Variants in NELL1 observed in about 807,000 individuals in gnomAD.
NELL1 encodes protein kinase C-binding protein NELL1.
Under a neutral mutation model 107.4 loss-of-function variants are expected in NELL1, and 76 were observed. The ratio of observed to expected loss-of-function variants is 0.71; its 90% CI spans 0.59 to 0.86. The LOEUF is 0.86. Ranked by LOEUF, NELL1 falls within the 40% of genes least tolerant of loss-of-function variation. The pLI is 0.00. For synonymous variants in NELL1, 353 were observed against 341.2 expected, an observed-to-expected ratio of 1.03 and a Z score of -0.38; for missense variants, 1,024 against 1,005.5, an observed-to-expected ratio of 1.02 and a Z score of -0.25.
chr11:20,680,205 T>A (rs1372846515), intron 2 of NELL1, among the ~76,000 whole-genome samples: 1 of 152,110 alleles, frequency 6.6e-6, no homozygotes, highest in Non-Finnish European at 1.5e-5. Context: ...TAAGGTAACA[T>A]AATTATAGAT....
chr11:21,563,025 T>A (rs1429675068), intron 17 of NELL1, among the ~76,000 whole-genome samples: 2 of 152,050 alleles, frequency 1.3e-5, no homozygotes, highest in Non-Finnish European at 2.9e-5. Context: ...GCAGTGACAA[T>A]GTTTTTGTGC....
intron 14 of NELL1, among the ~76,000 whole-genome samples, chr11:21,317,732 C>T (rs1849910167): frequency 6.6e-6 from 1 of 152,008 alleles, no homozygotes; most frequent in Admixed American, 6.6e-5. Flanking sequence ...TTTTTGAGCA[C>T]AGAGTTTACT....
At chr11:21,397,116 C>A (rs1851999418) in intron 15 of NELL1, among the ~76,000 whole-genome samples, 2 of 151,622 alleles carry the variant, frequency 1.3e-5, no homozygotes, top group South Asian at 4.1e-4. Context: ...GTATCACTTT[C>A]TTTACAAAAA....
At chr11:21,101,524 C>A (rs529320544) in intron 12 of NELL1, among the ~76,000 whole-genome samples, 3 of 152,004 alleles carry the variant, frequency 2.0e-5, no homozygotes, top group Admixed American at 6.6e-5. Flanking sequence ...TTTTAATGAT[C>A]GCCATTCTAA....
At chr11:20,880,898 A>G (rs1849395426) in intron 4 of NELL1, among the ~76,000 whole-genome samples, 1 of 152,158 alleles carries the variant, frequency 6.6e-6, no homozygotes, top group Non-Finnish European at 1.5e-5. Context: ...GGAAAGAGAC[A>G]GCATGGAAGA....
At chr11:20,836,444 C>G (rs1193048069) in intron 3 of NELL1, among the ~76,000 whole-genome samples, 1 of 152,034 alleles carries the variant, frequency 6.6e-6, no homozygotes, top group African/African-American at 2.4e-5. Context: ...AATTGCACTT[C>G]TAGGTATTTA....
chr11:21,083,010 C>T (rs2133674507), intron 12 of NELL1, among the ~76,000 whole-genome samples: 1 of 152,254 alleles, frequency 6.6e-6, no homozygotes. Context: ...CTATGTTGGT[C>T]AGCTAGAGCC....
chr11:20,946,264 C>A (rs1002328494), intron 10 of NELL1, among the ~76,000 whole-genome samples: 2 of 152,114 alleles, frequency 1.3e-5, no homozygotes, highest in Admixed American at 6.5e-5. Flanking sequence ...TGGGAACTAC[C>A]TTTTGGCCTT....
chr11:20,740,465 C>A (rs1855865392), intron 2 of NELL1, among the ~76,000 whole-genome samples: 1 of 152,176 alleles, frequency 6.6e-6, no homozygotes, highest in Non-Finnish European at 1.5e-5. Context: ...CTGAAGAATC[C>A]TGAAGCTTTC....
At chr11:21,099,224 C>T (rs865953908) in intron 12 of NELL1, among the ~76,000 whole-genome samples, 1 of 140,796 alleles carries the variant, frequency 7.1e-6, no homozygotes, top group African/African-American at 2.8e-5. Flanking sequence ...CACACACACA[C>T]ACACACACAA....
At chr11:20,871,801 C>T (rs1156280788) in intron 4 of NELL1, among the ~76,000 whole-genome samples, 6 of 151,838 alleles carry the variant, frequency 4.0e-5, no homozygotes, top group South Asian at 2.1e-4. Context: ...GGGCAGATCA[C>T]GAGGTCAGGA....
chr11:20,688,034 T>G lies in NELL1; in HGVS notation c.184+9974T>G, dbSNP rs558806241. Among the ~76,000 whole-genome samples, 11 of 97,476 alleles carry G rather than the reference T, an allele frequency of 1.1e-4. No homozygotes were observed. The East Asian group carries it at 2.1e-3, about 19-fold the overall frequency. The allele number at this position is 97,476 out of a possible 152,430, so 63.9% of individuals were successfully genotyped here. A position where few individuals can be genotyped will look rare whatever the true frequency, so the allele number is the denominator to read the frequency against. ...CAAGAAGTATCACTAACCATACAGA[T>G]TTTTTTTCCTGTTTAATAAGTATGC... On this transcript the variant is annotated intron_variant, in intron 2 of 19. Coordinates refer to ENST00000357134, the MANE Select transcript of NELL1 (RefSeq NM_006157.5).
intron 14 of NELL1, among the ~76,000 whole-genome samples, chr11:21,245,454 G>T (rs895418215): frequency 6.6e-6 from 1 of 152,250 alleles, no homozygotes; most frequent in East Asian, 1.9e-4. Context: ...TCAGTTGGAA[G>T]GAAATATCTT....
At position 20,847,640 on chromosome 11, in the gene NELL1, C is replaced by T. The variant is rs146579340; in HGVS notation, c.393C>T (p.His131=). The T allele has an allele frequency of 5.6e-6, 9 of 1,613,778 alleles. No homozygotes were observed. In the African/African-American group the frequency reaches 8.0e-5, roughly 14 times the overall value. The change falls in exon 4 of 20, where the codon CAC becomes CAT. Residue 131 remains histidine (H), a synonymous_variant. Transcript: ENST00000357134. ...LRDEIRYHYI[H]NGKPRTEALP... is the part of the protein sequence containing the mutation. ...ATGAGATTCGGTATCACTACATACA[C>T]AATGGGAAGCCAAGGACAGAGGCAC... is the stretch of plus-strand genomic sequence containing the variant.
At chr11:21,241,519 A>G (rs1858359291) in intron 14 of NELL1, among the ~76,000 whole-genome samples, 1 of 152,138 alleles carries the variant, frequency 6.6e-6, no homozygotes, top group Non-Finnish European at 1.5e-5. Flanking sequence ...CTTGGTCCAG[A>G]TGCTTCAAGA....
At position 21,010,279 on chromosome 11, in the gene NELL1, C is replaced by T. The variant is rs182480324; in HGVS notation, c.1300+49719C>T. Among the ~76,000 whole-genome samples the T allele has an allele frequency of 1.8e-3, 279 of 152,122 alleles. 1 individual carries two copies. Among genetic ancestry groups the T allele is most frequent in the Non-Finnish European group, 2.7e-3 (183 of 67,986 alleles). The stretch of plus-strand genomic sequence containing the variant: ...TCCATTCTTTTCTTCTAATAATGTG[C>T]TTGTATTGCTATATTTTATACAATT... On this transcript the variant is annotated intron_variant, in intron 12 of 19. Coordinates refer to ENST00000357134, the MANE Select transcript of NELL1 (RefSeq NM_006157.5).
chr11:21,035,509 A>G (rs1853068977), intron 12 of NELL1, among the ~76,000 whole-genome samples: 2 of 151,956 alleles, frequency 1.3e-5, no homozygotes, highest in African/African-American at 4.8e-5. Context: ...AAATGAATCC[A>G]GCAGCACATC....
In NELL1 at chr11:21,561,416, A is replaced by G. The variant is rs78161674; in HGVS notation, c.1980+1034A>G. Among the ~76,000 whole-genome samples the G allele has an allele frequency of 5.0e-3, 765 of 152,090 alleles. 9 individuals carry two copies. Among genetic ancestry groups the G allele is most frequent in the African/African-American group, 0.017 (722 of 41,520 alleles). On this transcript the variant is annotated intron_variant, in intron 17 of 19. Coordinates refer to ENST00000357134, the MANE Select transcript of NELL1 (RefSeq NM_006157.5). ...CATAAACCTAGTTTCCCACACTCCA[A>G]TCTAGGTTTGTTTTCCCTTATTGGA...
chr11:21,167,196 C>T (rs1856503359), intron 13 of NELL1, among the ~76,000 whole-genome samples: 1 of 151,702 alleles, frequency 6.6e-6, no homozygotes, highest in Non-Finnish European at 1.5e-5. Flanking sequence ...TAGTGTTGCC[C>T]CAGTCTCAAG....
Sources: gnomAD v4.1 joint callset for allele counts (sites outside exome capture counted in the v4.1 genomes callset) on GRCh38, gnomAD v4.1.1 for gene constraint, MANE v1.5 for transcripts, NCBI Gene and HGNC (gene_info 2026-07-23, HGNC 2026-07-21) for gene names.